The following WNT10A variants were observed in gnomAD, a reference collection of about 807,000 sequenced individuals.
WNT10A encodes Wnt family member 10A.
In WNT10A, 37 loss-of-function variants were observed where a neutral mutation model predicts 36.1. That is an observed-to-expected ratio of 1.02 (90% CI 0.79 to 1.35). WNT10A has a LOEUF of 1.35. Ranked by LOEUF, WNT10A falls within the 40% of genes most tolerant of loss-of-function variation. WNT10A has a pLI of 0.00. For missense variants in WNT10A, 613 were observed against 601.4 expected (o/e 1.02, Z -0.20); for synonymous variants, 255 against 254.1 (o/e 1.00, Z -0.03).
intron 3 of WNT10A, among the ~76,000 whole-genome samples, chr2:218,890,708 C>T (rs1016362129): frequency 2.0e-5 from 3 of 152,138 alleles, no homozygotes; most frequent in African/African-American, 7.2e-5. Flanking sequence ...CCATCTGACT[C>T]CTCCCCTATA....
Position 218,893,501 on chromosome 2 carries a change from T to G in WNT10A, c.*230T>G. The G allele has an allele frequency of 1.9e-6, 1 of 521,312 alleles. No individual in the cohort carries two copies. Among genetic ancestry groups the G allele is most frequent in the African/African-American group, 2.0e-5 (1 of 51,076 alleles). 32.3% of individuals were successfully genotyped at this position (521,312 alleles called of 1,614,324 possible). ...GCTCTAGGACTGACTGGGTTCTTCC[T>G]CCCTCCCCGAAGCCCAGACAGTTCA... On this transcript the variant is annotated 3_prime_UTR_variant, in exon 4 of 4. Coordinates refer to ENST00000258411, the MANE Select transcript of WNT10A (RefSeq NM_025216.3). The surrounding 1 kb of genome is among the most constrained non-coding windows in gnomAD (Gnocchi z 6.3).
At chr2:218,883,855 C>CACGA (rs939023697) in intron 2 of WNT10A, 27 of 152,556 alleles carry the variant, frequency 1.8e-4, no homozygotes, top group African/African-American at 6.5e-4. Flanking sequence ...TGCGCGCCGA[C>CACGA]ACGAACGGAC....
At chr2:218,889,384 T>C (rs1944618462) in intron 2 of WNT10A, among the ~76,000 whole-genome samples, 2 of 152,254 alleles carry the variant, frequency 1.3e-5, no homozygotes. Flanking sequence ...GCTGTAAACA[T>C]GCGTGTGCAA....
intron 2 of WNT10A, among the ~76,000 whole-genome samples, chr2:218,888,188 T>C (rs914230879): frequency 6.6e-6 from 1 of 152,250 alleles, no homozygotes; most frequent in Non-Finnish European, 1.5e-5. Context: ...TCTTGCTGCC[T>C]GCCCCCTCTC....
chr2:218,893,308 C>T lies in WNT10A; in HGVS notation c.*37C>T. The T allele has an allele frequency of 3.3e-6, 5 of 1,527,122 alleles. No individual in the cohort carries two copies. The highest frequency in any genetic ancestry group is 4.4e-6 in the Non-Finnish European group (5 of 1,141,380). 94.6% of individuals were successfully genotyped at this position (1,527,122 alleles called of 1,614,324 possible). ...TCCCCTGGGCCCTGATCGAGGTCCC[C>T]TCCTGGAGCCTGGCCCTCTGAGGCT... On this transcript the variant is annotated 3_prime_UTR_variant, in exon 4 of 4. Coordinates refer to ENST00000258411, the MANE Select transcript of WNT10A (RefSeq NM_025216.3). The surrounding 1 kb of genome is among the most constrained non-coding windows in gnomAD (Gnocchi z 6.3).
At chr2:218,880,060 G>T (rs147063790), upstream of WNT10A, among the ~76,000 whole-genome samples, 1 of 152,166 alleles carries the variant, frequency 6.6e-6, no homozygotes, top group African/African-American at 2.4e-5. The surrounding 1 kb of genome is among the most constrained non-coding windows in gnomAD (Gnocchi z 7.7). Context: ...ACACAGCAAA[G>T]GGGAGAAGAA....
Position 218,892,982 on chromosome 2 carries a change from C to T in WNT10A, c.965C>T (p.Pro322Leu). Residue 322 changes from proline (P) to leucine (L), a missense_variant, in exon 4 of 4, where the codon CCG becomes CTG. Physicochemically the swap from Pro to Leu is moderately conservative, Grantham distance 98. Coordinates refer to ENST00000258411, the MANE Select transcript of WNT10A (RefSeq NM_025216.3). The stretch of plus-strand genomic sequence containing the variant: ...CCAGCGGGGGCACCCTCGCCGGCTC[C>T]GGGCGCTCCCGGGCCGCGCCGACGG... ...PGPAGAPSPA[P>L]GAPGPRRRAS... The T allele has an allele frequency of 1.4e-6, 2 of 1,472,856 alleles. No individual in the cohort carries two copies. Among genetic ancestry groups the T allele is most frequent in the Non-Finnish European group, 1.8e-6 (2 of 1,121,218 alleles). The allele number at this position is 1,472,856 out of a possible 1,614,324, so 91.2% of individuals were successfully genotyped here. A position where few individuals can be genotyped will look rare whatever the true frequency, so the allele number is the denominator to read the frequency against.
In WNT10A at chr2:218,893,148, CG is replaced by C; in HGVS notation, c.1133del (p.Gly378AlafsTer60). The C allele has an allele frequency of 6.3e-7, 1 of 1,590,082 alleles. No individual in the cohort carries two copies. The highest frequency in any genetic ancestry group is 8.5e-7 in the Non-Finnish European group (1 of 1,175,662). On this transcript the variant is annotated frameshift_variant, in exon 4 of 4. Coordinates refer to ENST00000258411, the MANE Select transcript of WNT10A (RefSeq NM_025216.3). LOFTEE classifies it high-confidence loss of function. This position sits in a 1 kb window ranked among gnomAD's most constrained non-coding sequence, Gnocchi z 6.3. ...CGGATGGCTGCGGCAGCATGTGCTG[CG>C]GCCGCGGCCACAACATCCTGCGCCA... ...GSDGCGSMCC[G>X]RGHNILRQTR...
chr2:218,876,074 CT>C (rs1301398694), upstream of WNT10A, among the ~76,000 whole-genome samples: 2 of 152,172 alleles, frequency 1.3e-5, no homozygotes, highest in Admixed American at 6.5e-5. Context: ...GCATACTGTC[CT>C]CATTATCTCC....
rs762507003 is a variant in WNT10A at position 218,882,432 on chromosome 2, C to T, written c.376+9C>T. ...TCCCATCTTCAGCAGAGGTAGCTGC[C>T]CCTCACCCCTGCCCCTGCCTGCCCC... On this transcript the variant is annotated intron_variant, in intron 2 of 3. Coordinates refer to ENST00000258411, the MANE Select transcript of WNT10A (RefSeq NM_025216.3). 6.2e-7 allele frequency: 1 copy of T among 1,613,954 alleles called. No individual in the cohort carries two copies. The highest frequency in any genetic ancestry group is 2.2e-5 in the East Asian group (1 of 44,872).
intron 2 of WNT10A, among the ~76,000 whole-genome samples, chr2:218,886,615 C>T (rs898320275): frequency 2.0e-4 from 30 of 151,680 alleles, no homozygotes; most frequent in African/African-American, 5.6e-4. Flanking sequence ...TGTGTCTTAA[C>T]GAGCCGCCCC....
chr2:218,886,214 C>T (rs776595024), intron 2 of WNT10A, among the ~76,000 whole-genome samples: 9 of 152,236 alleles, frequency 5.9e-5, no homozygotes, highest in African/African-American at 2.2e-4. Context: ...CATACGTGCA[C>T]GCACACACAC....
At chr2:218,883,020 T>C (rs1487771977) in intron 2 of WNT10A, among the ~76,000 whole-genome samples, 1 of 152,242 alleles carries the variant, frequency 6.6e-6, no homozygotes, top group Non-Finnish European at 1.5e-5. Context: ...GCAGGCCTAG[T>C]AGTCCTGTCA....
intron 1 of WNT10A, among the ~76,000 whole-genome samples, 175 bp from the exon 2 acceptor site, chr2:218,881,986 T>C (rs975370678): frequency 1.3e-5 from 2 of 152,114 alleles, no homozygotes; most frequent in African/African-American, 4.8e-5. Context: ...GGCAGGATGA[T>C]TGTGAGGAGG....
At chr2:218,877,644 G>A (rs760228919), upstream of WNT10A, among the ~76,000 whole-genome samples, 4 of 152,154 alleles carry the variant, frequency 2.6e-5, no homozygotes, top group African/African-American at 7.2e-5. This position sits in a 1 kb window ranked among gnomAD's most constrained non-coding sequence, Gnocchi z 4.1. Context: ...AGGAACAGGC[G>A]GAACACAGGC....
intron 2 of WNT10A, among the ~76,000 whole-genome samples, chr2:218,886,426 C>T (rs568564054): frequency 3.3e-5 from 5 of 152,300 alleles, no homozygotes; most frequent in Admixed American, 6.5e-5. Context: ...GCTCAAGCTT[C>T]TGTAACCCCT....
chr2:218,874,611 C>G, the WNT10A span, among the ~76,000 whole-genome samples: 1 of 152,198 alleles, frequency 6.6e-6, no homozygotes, highest in Non-Finnish European at 1.5e-5. Context: ...AGCTTGAGCT[C>G]TCATCTTCCT....
the WNT10A span, among the ~76,000 whole-genome samples, chr2:218,875,159 C>CTTT: frequency 5.4e-5 from 2 of 36,864 alleles, no homozygotes. Flanking sequence ...GACTGACTTT[C>CTTT]TTTTTTTTTT....
chr2:218,883,665 C>A (rs7571600), intron 2 of WNT10A, among the ~76,000 whole-genome samples: 43,677 of 150,748 alleles, frequency 0.29, 8,077 homozygotes, highest in African/African-American at 0.53. Context: ...CCGCGGGCCG[C>A]GGCAGACGGC....
Sources: allele counts gnomAD v4.1 joint callset (sites outside exome capture counted in the v4.1 genomes callset), GRCh38; gene constraint gnomAD v4.1.1; non-coding constraint Gnocchi (gnomAD v3.1); transcripts MANE v1.5; gene names NCBI Gene and HGNC (gene_info 2026-07-23, HGNC 2026-07-21).